NAALADL2: variants seen among roughly 807,000 people sequenced by gnomAD.
The protein encoded by NAALADL2 is inactive N-acetylated-alpha-linked acidic dipeptidase-like protein 2.
A neutral mutation model predicts 87.2 loss-of-function variants in NAALADL2; 76 were observed. The ratio of observed to expected loss-of-function variants is 0.87; its 90% CI spans 0.72 to 1.05. The LOEUF (loss-of-function observed/expected upper bound fraction) is 1.05. Among genes scored for constraint, NAALADL2 ranks in the 50% least tolerant of loss-of-function variants. NAALADL2 has a pLI of 0.00. For missense variants in NAALADL2, 1,089 were observed against 945.8 expected, an observed-to-expected ratio of 1.15 and a Z score of -1.99; for synonymous variants, 354 against 331.0, an observed-to-expected ratio of 1.07 and a Z score of -0.75.
chr3:175,437,116 C>T (rs1170468877), intron 5 of NAALADL2, among the ~76,000 whole-genome samples: 1 of 150,500 alleles, frequency 6.6e-6, no homozygotes, highest in African/African-American at 2.4e-5. Context: ...GAATCCTTTC[C>T]CCATTGCTTG....
intron 5 of NAALADL2, among the ~76,000 whole-genome samples, chr3:175,332,678 C>T (rs1469279469): frequency 6.6e-6 from 1 of 152,164 alleles, no homozygotes; most frequent in Non-Finnish European, 1.5e-5. Flanking sequence ...AAATTTTCTA[C>T]ATGCTGATGA....
chr3:174,545,494 C>T (rs1722649838), intron 1 of NAALADL2, among the ~76,000 whole-genome samples: 2 of 152,172 alleles, frequency 1.3e-5, no homozygotes, highest in Non-Finnish European at 2.9e-5. Flanking sequence ...TTAACATAGG[C>T]AGCTGCTTCT....
intron 9 of NAALADL2, among the ~76,000 whole-genome samples, chr3:175,479,180 G>A (rs1417520654): frequency 6.6e-6 from 1 of 151,710 alleles, no homozygotes; most frequent in South Asian, 2.1e-4. Context: ...TTTTTAAGTT[G>A]TAACCTGATT....
At chr3:175,157,506 G>A (rs1732499320) in intron 2 of NAALADL2, among the ~76,000 whole-genome samples, 1 of 151,988 alleles carries the variant, frequency 6.6e-6, no homozygotes, top group South Asian at 2.1e-4. Flanking sequence ...TCATGATTTT[G>A]TTGTGTATAT....
intron 10 of NAALADL2, among the ~76,000 whole-genome samples, chr3:175,580,335 G>A (rs148438147): frequency 1.1e-4 from 16 of 152,222 alleles, no homozygotes; most frequent in African/African-American, 2.9e-4. Flanking sequence ...TACAGATACA[G>A]TTTGACAATA....
At chr3:174,615,316 A>G (rs1369095567) in intron 2 of NAALADL2, among the ~76,000 whole-genome samples, 1 of 152,158 alleles carries the variant, frequency 6.6e-6, no homozygotes, top group East Asian at 1.9e-4. Context: ...GATGGTTTAG[A>G]CAGTGTTCCA....
chr3:174,945,788 C>T (rs907567074), intron 1 of NAALADL2, among the ~76,000 whole-genome samples: 3 of 152,250 alleles, frequency 2.0e-5, no homozygotes, highest in South Asian at 2.1e-4. Flanking sequence ...TGGCTCACGC[C>T]TGTAATCCCA....
rs372246885 is a variant in NAALADL2 at position 175,206,262 on chromosome 3, A to ATTT, written c.546-27660_546-27658dup. On this transcript the variant is annotated intron_variant, in intron 2 of 13. Coordinates refer to ENST00000454872, the MANE Select transcript of NAALADL2 (RefSeq NM_207015.3). The stretch of plus-strand genomic sequence containing the variant: ...TAAAAAACTATATATATATATATAT[A>ATTT]TTTTTTTTTTTCACTGTGTGTGTGT... Among the ~76,000 whole-genome samples the ATTT allele has an allele frequency of 6.0e-4, 62 of 103,144 alleles. 3 individuals carry two copies. The highest frequency in any genetic ancestry group is 2.0e-3 in the African/African-American group (41 of 20,988). The allele number at this position is 103,144 out of a possible 152,430, so 67.7% of individuals were successfully genotyped here. A position where few individuals can be genotyped will look rare whatever the true frequency, so the allele number is the denominator to read the frequency against.
At chr3:174,962,630 C>T (rs947138754) in intron 1 of NAALADL2, among the ~76,000 whole-genome samples, 7 of 151,688 alleles carry the variant, frequency 4.6e-5, no homozygotes, top group South Asian at 2.1e-4. Context: ...GTACCGAGGA[C>T]GGACTCTTAC....
At chr3:175,011,247 A>C (rs1019749106) in intron 1 of NAALADL2, among the ~76,000 whole-genome samples, 4 of 131,934 alleles carry the variant, frequency 3.0e-5, no homozygotes, top group African/African-American at 1.4e-4. Context: ...AGAGAGGGAG[A>C]GAGACAGAGA....
chr3:174,713,947 G>A (rs1185868335), intron 2 of NAALADL2, among the ~76,000 whole-genome samples: 5 of 152,100 alleles, frequency 3.3e-5, no homozygotes, highest in African/African-American at 4.8e-5. Flanking sequence ...TAACATTTAA[G>A]TCTTTAATCC....
intron 9 of NAALADL2, among the ~76,000 whole-genome samples, chr3:175,569,520 G>A (rs1717705837): frequency 6.6e-6 from 1 of 152,120 alleles, no homozygotes; most frequent in Non-Finnish European, 1.5e-5. Flanking sequence ...CAATGTTGAT[G>A]TTATTTGTGG....
At chr3:175,675,423 CCT>C (rs1734634957) in intron 11 of NAALADL2, 1 of 152,168 alleles carries the variant, frequency 6.6e-6, no homozygotes, top group African/African-American at 2.4e-5. Context: ...AATGACTGAA[CCT>C]CTGTCCTTGA....
At chr3:175,754,696 A>G (rs1310989658) in intron 12 of NAALADL2, among the ~76,000 whole-genome samples, 1 of 152,136 alleles carries the variant, frequency 6.6e-6, no homozygotes, top group East Asian at 1.9e-4. Flanking sequence ...GGTGAACATA[A>G]ATTTTTGAGT....
chr3:174,751,662 CAA>C lies in NAALADL2; in HGVS notation c.-9+13932_-9+13933del, dbSNP rs35752458. Among the ~76,000 whole-genome samples the C allele has an allele frequency of 1.2e-3, 148 of 128,412 alleles. 1 individual carries two copies. Among genetic ancestry groups the C allele is most frequent in the African/African-American group, 3.9e-3 (135 of 34,928 alleles). The allele number at this position is 128,412 out of a possible 152,430, so 84.2% of individuals were successfully genotyped here. ...TTGCTGACAGAGCGAGACTTTGTCT[CAA>C]AAAAAAAAAAAAAAAGTTATTAATG... On this transcript the variant is annotated intron_variant, in intron 3 of 3. Coordinates refer to the NAALADL2 transcript ENST00000434257.
chr3:175,047,119 A>C (rs1754779593), intron 1 of NAALADL2, among the ~76,000 whole-genome samples: 1 of 152,152 alleles, frequency 6.6e-6, no homozygotes, highest in African/African-American at 2.4e-5. Flanking sequence ...GTCATGATCC[A>C]GTCATGTCCC....
chr3:174,635,757 C>T (rs1415096459), intron 2 of NAALADL2, among the ~76,000 whole-genome samples: 1 of 152,086 alleles, frequency 6.6e-6, no homozygotes, highest in African/African-American at 2.4e-5. Context: ...CCTGTTTGGG[C>T]CTCCCAAAGT....
intron 2 of NAALADL2, among the ~76,000 whole-genome samples, chr3:174,580,792 C>T (rs1578219699): frequency 6.6e-6 from 1 of 152,100 alleles, no homozygotes; most frequent in Non-Finnish European, 1.5e-5. Flanking sequence ...GGGCTATGAA[C>T]ATTTGAGTGC....
intron 2 of NAALADL2, among the ~76,000 whole-genome samples, chr3:174,712,346 T>C (rs1030397538): frequency 1.3e-5 from 2 of 151,376 alleles, no homozygotes; most frequent in African/African-American, 4.9e-5. Context: ...GGTCTACTCA[T>C]ATGTTCCCTA....
Sources: allele counts gnomAD v4.1 joint callset (sites outside exome capture counted in the v4.1 genomes callset), GRCh38; gene constraint gnomAD v4.1.1; transcripts MANE v1.5; gene names NCBI Gene and HGNC (gene_info 2026-07-23, HGNC 2026-07-21).